The following SFXN1 variants were observed in gnomAD, a reference collection of about 807,000 sequenced individuals.
SFXN1 encodes the protein sideroflexin-1.
In SFXN1, 32 loss-of-function variants were observed where a neutral mutation model predicts 39.5. That is an observed-to-expected ratio of 0.81 (90% CI 0.61 to 1.09). SFXN1 has a LOEUF of 1.09. SFXN1 is among the 50% of genes least tolerant of loss of function. The pLI is 0.00. For missense variants in SFXN1, 402 were observed against 407.1 expected (o/e 0.99, Z 0.11); for synonymous variants, 136 against 146.5 (o/e 0.93, Z 0.52).
At chr5:175,502,697 C>T (rs965899869) in intron 2 of SFXN1, among the ~76,000 whole-genome samples, 2 of 151,972 alleles carry the variant, frequency 1.3e-5, no homozygotes, top group Admixed American at 6.6e-5. Flanking sequence ...AAAAATTAGC[C>T]GGGCATGGTG....
At chr5:175,505,683 T>C (rs1760267055) in intron 2 of SFXN1, among the ~76,000 whole-genome samples, 1 of 151,934 alleles carries the variant, frequency 6.6e-6, no homozygotes, top group Non-Finnish European at 1.5e-5. Context: ...GACTGTCAAG[T>C]TAAAATGGTG....
intron 1 of SFXN1, among the ~76,000 whole-genome samples, chr5:175,490,417 A>G (rs150496283): frequency 6.6e-5 from 10 of 152,270 alleles, no homozygotes; most frequent in African/African-American, 2.4e-4. Flanking sequence ...CTGCAGACCT[A>G]ACATGCTCAG....
intron 4 of SFXN1, 101 bp downstream of exon 4, chr5:175,510,308 TA>T (rs1760469360): frequency 7.4e-6 from 7 of 947,336 alleles, no homozygotes; most frequent in Admixed American, 2.2e-5. Flanking sequence ...TGCATATTTT[TA>T]TATTGTTCAG....
chr5:175,515,431 C>A (rs373684991), intron 7 of SFXN1, among the ~76,000 whole-genome samples: 9 of 152,150 alleles, frequency 5.9e-5, no homozygotes, highest in Non-Finnish European at 1.3e-4. Flanking sequence ...ATTTAGTCCC[C>A]AGAGAAGAAA....
chr5:175,515,021 G>A (rs992839966), intron 7 of SFXN1, among the ~76,000 whole-genome samples: 7 of 151,834 alleles, frequency 4.6e-5, no homozygotes, highest in East Asian at 3.9e-4. Context: ...TGTTGTTGTC[G>A]TCGTTGTTTT....
intron 1 of SFXN1, among the ~76,000 whole-genome samples, chr5:175,482,674 T>C (rs1388169894): frequency 6.6e-6 from 1 of 152,196 alleles, no homozygotes; most frequent in East Asian, 1.9e-4. Context: ...TCTTATACTC[T>C]TCAGTTTGCT....
chr5:175,493,236 G>A (rs1181367570), intron 2 of SFXN1, among the ~76,000 whole-genome samples: 1 of 151,988 alleles, frequency 6.6e-6, no homozygotes, highest in Non-Finnish European at 1.5e-5. Flanking sequence ...CTCCAGCCTG[G>A]GCGACAGAGC....
At chr5:175,496,141 G>A (rs1467725659) in intron 2 of SFXN1, among the ~76,000 whole-genome samples, 3 of 151,854 alleles carry the variant, frequency 2.0e-5, no homozygotes, top group South Asian at 2.1e-4. Context: ...CAAGTGATCC[G>A]CCCTCCTCAG....
intron 1 of SFXN1, among the ~76,000 whole-genome samples, chr5:175,489,148 T>G (rs959772348): frequency 3.3e-5 from 5 of 152,232 alleles, no homozygotes; most frequent in African/African-American, 9.6e-5. Context: ...CAGATTTTTT[T>G]TCTCCTAAGT....
At chr5:175,511,100 C>A (rs1163114032) in intron 4 of SFXN1, among the ~76,000 whole-genome samples, 1 of 152,142 alleles carries the variant, frequency 6.6e-6, no homozygotes. Context: ...AAACATTTAG[C>A]CCAATATGCA....
rs1761115421 is a variant in SFXN1, at chr5:175,527,893, T to C, written c.*1159T>C. On this transcript the variant is annotated 3_prime_UTR_variant, in exon 11 of 11. Transcript: ENST00000321442. ...TATCCGTGAGCTCTATATCTGTGAA[T>C]TCAACCAAGTTTGGATGGAAAATTT... 6.6e-6 allele frequency: 1 copy of C among 152,140 alleles called. No individual in the cohort carries two copies. Among genetic ancestry groups the C allele is most frequent in the African/African-American group, 2.4e-5 (1 of 41,346 alleles). 9.4% of individuals were successfully genotyped at this position (152,140 alleles called of 1,614,324 possible).
In SFXN1 at chr5:175,487,268, C is replaced by T. The variant is rs530681519; in HGVS notation, c.-9-4827C>T. ...ATAGTATTTGTCTTTATAAGAAGCT[C>T]TCCAGGTGATTTTGATGTGTTCCAT... is the stretch of plus-strand genomic sequence containing the variant. On this transcript the variant is annotated intron_variant, in intron 1 of 10. Transcript: ENST00000321442. Among the ~76,000 whole-genome samples, 120 of 152,344 alleles carry T rather than the reference C, an allele frequency of 7.9e-4. No homozygotes were observed. In the Middle Eastern group the frequency reaches 0.02, roughly 26 times the overall value.
intron 8 of SFXN1, among the ~76,000 whole-genome samples, chr5:175,521,297 AAT>A (rs1257892838): frequency 2.0e-5 from 3 of 151,924 alleles, no homozygotes; most frequent in Non-Finnish European, 4.4e-5. Context: ...TTATGCCAGA[AAT>A]AGTTTTAACC....
At chr5:175,518,131 C>T (rs983818554) in intron 8 of SFXN1, among the ~76,000 whole-genome samples, 4 of 152,150 alleles carry the variant, frequency 2.6e-5, no homozygotes, top group Admixed American at 6.5e-5. Flanking sequence ...AGAAGTTCAC[C>T]GCCTAAAATC....
At position 175,511,439 on chromosome 5, in the gene SFXN1, T is replaced by C. The variant is rs561074604; in HGVS notation, c.435-12T>C. On this transcript the variant is annotated splice_polypyrimidine_tract_variant and intron_variant, in intron 4 of 10. Coordinates refer to ENST00000321442, the MANE Select transcript of SFXN1 (RefSeq NM_022754.7). ...CCCTCGTCGTCCACACGATATCCTTTTTTCTTTTCAGTGAGTTGGGAACAG... is the reference window on the plus strand; with the variant it reads ...CCCTCGTCGTCCACACGATATCCTTCTTTCTTTTCAGTGAGTTGGGAACAG... 6.2e-7 allele frequency: 1 copy of C among 1,613,378 alleles called. No individual in the cohort carries two copies. The highest frequency in any genetic ancestry group is 2.2e-5 in the East Asian group (1 of 44,872).
chr5:175,518,561 C>T (rs532176381), intron 8 of SFXN1, among the ~76,000 whole-genome samples: 3 of 152,032 alleles, frequency 2.0e-5, no homozygotes, highest in Non-Finnish European at 4.4e-5. Flanking sequence ...ACAGAGGGAG[C>T]GCATAGGAGG....
chr5:175,480,176 C>A (rs202171511), intron 1 of SFXN1, among the ~76,000 whole-genome samples: 2 of 152,054 alleles, frequency 1.3e-5, no homozygotes, highest in Non-Finnish European at 1.5e-5. Flanking sequence ...CCGAGGCGGG[C>A]GGATCACGAG....
At chr5:175,494,713 C>T (rs1057309360) in intron 2 of SFXN1, among the ~76,000 whole-genome samples, 12 of 151,008 alleles carry the variant, frequency 7.9e-5, no homozygotes, top group African/African-American at 2.7e-4. Flanking sequence ...GATCATGCCA[C>T]TGCACTCCAG....
chr5:175,507,468 C>G (rs1226042334), intron 2 of SFXN1, among the ~76,000 whole-genome samples: 1 of 152,062 alleles, frequency 6.6e-6, no homozygotes, highest in Non-Finnish European at 1.5e-5. Context: ...TGGTGTGATG[C>G]CTTTAAGTAA....
Sources: gnomAD v4.1 joint callset for allele counts (sites outside exome capture counted in the v4.1 genomes callset) on GRCh38, gnomAD v4.1.1 for gene constraint, MANE v1.5 for transcripts, NCBI Gene and HGNC (gene_info 2026-07-23, HGNC 2026-07-21) for gene names.